The following DSCAM variants were observed in gnomAD, a reference collection of about 807,000 sequenced individuals.
The protein encoded by DSCAM is DS cell adhesion molecule, also known as cell adhesion molecule DSCAM.
A neutral mutation model predicts 217.7 loss-of-function variants in DSCAM; 47 were observed. The ratio of observed to expected loss-of-function variants is 0.22; its 90% confidence interval spans 0.17 to 0.28. The LOEUF (loss-of-function observed/expected upper bound fraction) is 0.28. Among genes scored for constraint, DSCAM ranks in the 10% least tolerant of loss-of-function variants. The pLI is 1.00. For missense variants in DSCAM, 2,080 were observed against 2,618.3 expected, an observed-to-expected ratio of 0.79 and a Z score of 4.49; for synonymous variants, 1,056 against 1,015.3, an observed-to-expected ratio of 1.04 and a Z score of -0.76.
At chr21:40,229,658 A>G (rs1215071884) in intron 11 of DSCAM, among the ~76,000 whole-genome samples, 1 of 152,196 alleles carries the variant, frequency 6.6e-6, no homozygotes, top group Non-Finnish European at 1.5e-5. Flanking sequence ...ACTTAATTTT[A>G]GTGGTTTGAC....
intron 3 of DSCAM, among the ~76,000 whole-genome samples, chr21:40,631,756 G>C (rs17000137): frequency 0.074 from 11,194 of 152,246 alleles, 468 homozygotes; most frequent in Middle Eastern, 0.099. Flanking sequence ...CTGTCCCAAA[G>C]TAGGAAGTTA....
chr21:40,487,256 C>CCTCT (rs59987844), intron 3 of DSCAM, among the ~76,000 whole-genome samples: 19 of 143,786 alleles, frequency 1.3e-4, no homozygotes, highest in African/African-American at 2.8e-4. Flanking sequence ...TCTTTCTCTC[C>CCTCT]CTCTCTCTCT....
At chr21:40,428,722 G>A (rs763165902) in intron 3 of DSCAM, among the ~76,000 whole-genome samples, 4 of 152,056 alleles carry the variant, frequency 2.6e-5, no homozygotes, top group Non-Finnish European at 4.4e-5. Flanking sequence ...CATATTTAGT[G>A]TCGTGGGGCT....
intron 3 of DSCAM, among the ~76,000 whole-genome samples, chr21:40,642,681 C>G (rs958361542): frequency 3.3e-5 from 5 of 152,186 alleles, no homozygotes; most frequent in African/African-American, 1.2e-4. Flanking sequence ...CTCCCAGGCT[C>G]AAGCCATCCT....
chr21:40,233,649 T>C (rs1469007980), intron 11 of DSCAM, among the ~76,000 whole-genome samples: 2 of 152,202 alleles, frequency 1.3e-5, no homozygotes, highest in Non-Finnish European at 2.9e-5. Flanking sequence ...CCTCTAGTCT[T>C]TATTAATAAC....
intron 28 of DSCAM, among the ~76,000 whole-genome samples, chr21:40,061,601 T>A (rs1387576857): frequency 6.6e-6 from 1 of 150,966 alleles, no homozygotes; most frequent in Non-Finnish European, 1.5e-5. Context: ...AGGAAAAGAC[T>A]TATCCTTCAT....
chr21:40,099,653 G>A lies in DSCAM; in HGVS notation c.3697-5779C>T, dbSNP rs180979903. ...AGTTGACTCTTCCTGTTCTCTGGAAGTTTTAGCGATGATCTTAAAGCGTGA... is the reference window on the plus strand; with the variant it reads ...AGTTGACTCTTCCTGTTCTCTGGAAATTTTAGCGATGATCTTAAAGCGTGA... On this transcript the variant is annotated intron_variant, in intron 20 of 32. Transcript: ENST00000400454. Among the ~76,000 whole-genome samples, 33 of 152,362 alleles carry A rather than the reference G, an allele frequency of 2.2e-4. No homozygotes were observed. The East Asian group carries it at 6.2e-3, about 29-fold the overall frequency.
intron 1 of DSCAM, among the ~76,000 whole-genome samples, chr21:40,738,662 G>A (rs2091089472): frequency 6.6e-6 from 1 of 152,164 alleles, no homozygotes; most frequent in South Asian, 2.1e-4. Context: ...AGATTGCGGG[G>A]CCCCACCCCA....
chr21:40,339,243 C>G lies in DSCAM; in HGVS notation c.1383G>C (p.Ser461=). ...TCAGGTAGCTGACCACGTTCCCCTC[C>G]GACGTGATCATCTGGCTGATGCGGT... is the stretch of plus-strand genomic sequence containing the variant. The part of the protein sequence containing the change: ...GSHRISQMIT[S]EGNVVSYLNI... The change falls in exon 7 of 33, where the codon TCG becomes TCC. Residue 461 remains serine, a synonymous_variant. Transcript: ENST00000400454. The G allele has an allele frequency of 6.2e-7, 1 of 1,614,152 alleles. No homozygotes were observed. The highest frequency in any genetic ancestry group is 2.2e-5 in the East Asian group (1 of 44,860).
intron 3 of DSCAM, 51 bp downstream of exon 3, chr21:40,692,759 C>A (rs1317630776): frequency 6.4e-7 from 1 of 1,559,436 alleles, no homozygotes. Context: ...CTGAAATAAC[C>A]TTTTCAGAAG....
At chr21:40,688,588 A>C (rs1164880772) in intron 3 of DSCAM, among the ~76,000 whole-genome samples, 2 of 152,164 alleles carry the variant, frequency 1.3e-5, no homozygotes, top group Non-Finnish European at 2.9e-5. Context: ...TTCCTGGCTC[A>C]TTTTAGGGAG....
intron 11 of DSCAM, among the ~76,000 whole-genome samples, chr21:40,217,823 G>A (rs1300600256): frequency 1.3e-5 from 2 of 152,086 alleles, no homozygotes; most frequent in Non-Finnish European, 2.9e-5. Flanking sequence ...TTTGAGAAGT[G>A]TCTGTTCACG....
chr21:40,620,407 G>T (rs1270326114), intron 3 of DSCAM, among the ~76,000 whole-genome samples: 1 of 145,256 alleles, frequency 6.9e-6, no homozygotes, highest in Non-Finnish European at 1.5e-5. Context: ...AAAGAAAGGA[G>T]GGAGGGAGGG....
intron 3 of DSCAM, among the ~76,000 whole-genome samples, chr21:40,580,787 T>C (rs1330015754): frequency 1.3e-5 from 2 of 152,174 alleles, no homozygotes; most frequent in Admixed American, 1.3e-4. Flanking sequence ...GAAAAATATA[T>C]GTACCTACAT....
intron 3 of DSCAM, among the ~76,000 whole-genome samples, chr21:40,468,786 G>A (rs898681313): frequency 3.3e-5 from 5 of 152,026 alleles, no homozygotes; most frequent in South Asian, 2.1e-4. Context: ...ACCAAAAGTC[G>A]AAAATTTCTG....
At chr21:40,689,768 G>A (rs1028577346) in intron 3 of DSCAM, among the ~76,000 whole-genome samples, 13 of 152,324 alleles carry the variant, frequency 8.5e-5, no homozygotes, top group South Asian at 6.2e-4. Flanking sequence ...AAACTAGCTC[G>A]CAGGAGTTAC....
intron 3 of DSCAM, among the ~76,000 whole-genome samples, chr21:40,583,452 C>A (rs950040292): frequency 2.0e-5 from 3 of 152,158 alleles, no homozygotes; most frequent in Non-Finnish European, 4.4e-5. Context: ...GGAACACGAG[C>A]TGGTCCTCTG....
In DSCAM at chr21:40,564,875, G is replaced by A. The variant is rs1220682748; in HGVS notation, c.508+127935C>T. On this transcript the variant is annotated intron_variant, in intron 3 of 32. Transcript: ENST00000400454. ...CTGCTTGGCAATAAGGAGAACTGGT[G>A]TGCCAGCAAGGTGTGCTGTACAGAC... Among the ~76,000 whole-genome samples, 2 of 144,030 alleles carry A rather than the reference G, an allele frequency of 1.4e-5. 1 individual carries two copies. Among genetic ancestry groups the A allele is most frequent in the South Asian group, 4.5e-4 (2 of 4,426 alleles). The allele number at this position is 144,030 out of a possible 152,430, so 94.5% of individuals were successfully genotyped here. A position where few individuals can be genotyped will look rare whatever the true frequency, so the allele number is the denominator to read the frequency against.
At chr21:40,270,354 G>T (rs537096680) in intron 11 of DSCAM, among the ~76,000 whole-genome samples, 1 of 152,338 alleles carries the variant, frequency 6.6e-6, no homozygotes, top group Non-Finnish European at 1.5e-5. Context: ...TCCCAGCAAA[G>T]TTGCAGACGT....
Sources: gnomAD v4.1 joint callset for allele counts (sites outside exome capture counted in the v4.1 genomes callset) on GRCh38, gnomAD v4.1.1 for gene constraint, MANE v1.5 for transcripts, NCBI Gene and HGNC (gene_info 2026-07-23, HGNC 2026-07-21) for gene names.